The following OPCML variants were observed in gnomAD, a reference collection of about 807,000 sequenced individuals.
OPCML encodes the protein opioid binding protein/cell adhesion molecule like.
In OPCML, 13 loss-of-function variants were observed where a neutral mutation model predicts 37.8. The observed-to-expected ratio is 0.34, with a 90% CI of 0.22 to 0.55. The LOEUF (loss-of-function observed/expected upper bound fraction) is 0.55, where lower values mean the gene tolerates loss of function less well. Among genes scored for constraint, OPCML ranks in the 20% least tolerant of loss-of-function variants. OPCML has a pLI of 0.91. For synonymous variants in OPCML, 176 were observed against 168.8 expected (o/e 1.04, Z -0.33); for missense variants, 341 against 435.6 (o/e 0.78, Z 1.93).
At chr11:133,255,407 T>A (rs553289724) in intron 1 of OPCML, among the ~76,000 whole-genome samples, 64 of 152,302 alleles carry the variant, frequency 4.2e-4, no homozygotes, top group Non-Finnish European at 6.8e-4. Flanking sequence ...GTTTTCCTTC[T>A]TTCCCCACTT....
rs563428676 is a variant in OPCML at position 132,768,843 on chromosome 11, G to A, written c.147-111524C>T. 7.2e-5 allele frequency among the ~76,000 whole-genome samples: 11 copies of A among 152,282 alleles called. No homozygotes were observed. In the East Asian group the frequency reaches 1.9e-3, roughly 27 times the overall value. On this transcript the variant is annotated intron_variant, in intron 2 of 7. Coordinates refer to ENST00000524381, the MANE Select transcript of OPCML (RefSeq NM_001012393.5). The stretch of plus-strand genomic sequence containing the variant: ...ATCTTACATTGCTGCCCCTCGCCAA[G>A]CCCACAGGTAGGTGAAAGCAGTGGG...
chr11:133,468,722 G>A (rs977618228), intron 1 of OPCML, among the ~76,000 whole-genome samples: 1 of 152,132 alleles, frequency 6.6e-6, no homozygotes, highest in Non-Finnish European at 1.5e-5. Flanking sequence ...TTTTTGACAA[G>A]CGTTCAAGAG....
At chr11:133,250,146 C>T (rs548247800) in intron 1 of OPCML, among the ~76,000 whole-genome samples, 19 of 152,172 alleles carry the variant, frequency 1.2e-4, no homozygotes, top group Admixed American at 9.8e-4. Context: ...AACTTCAAGC[C>T]CCCCTTGGGG....
chr11:132,538,039 A>G (rs79772121), intron 3 of OPCML, among the ~76,000 whole-genome samples: 2,345 of 152,300 alleles, frequency 0.015, 54 homozygotes, highest in African/African-American at 0.048. Context: ...TATCCTATGG[A>G]TCAGCAATTC....
At chr11:132,690,992 C>T (rs924175334) in intron 2 of OPCML, among the ~76,000 whole-genome samples, 5 of 152,216 alleles carry the variant, frequency 3.3e-5, no homozygotes, top group African/African-American at 1.2e-4. Context: ...CATCAGACCA[C>T]TAATAAGACC....
At chr11:133,140,577 A>AAG (rs748209202) in intron 1 of OPCML, among the ~76,000 whole-genome samples, 206 of 85,010 alleles carry the variant, frequency 2.4e-3, no homozygotes, top group Middle Eastern at 7.7e-3. Context: ...GAAGAAGAAG[A>AAG]AAGAAGAAAA....
intron 3 of OPCML, among the ~76,000 whole-genome samples, chr11:132,653,153 G>A (rs998600907): frequency 2.6e-5 from 4 of 152,032 alleles, no homozygotes; most frequent in African/African-American, 9.7e-5. Flanking sequence ...TAAGCCCAAA[G>A]CTGTTCTTTC....
chr11:133,246,723 A>G (rs1940939269), intron 1 of OPCML, among the ~76,000 whole-genome samples: 2 of 152,234 alleles, frequency 1.3e-5, no homozygotes, highest in South Asian at 4.1e-4. Context: ...TGAGTAAGGA[A>G]CTATAAAATT....
intron 2 of OPCML, among the ~76,000 whole-genome samples, chr11:132,799,948 T>C (rs1380181233): frequency 2.0e-5 from 3 of 152,224 alleles, no homozygotes; most frequent in Non-Finnish European, 4.4e-5. Flanking sequence ...TATCAGCTTG[T>C]CAAATTCAGA....
intron 1 of OPCML, among the ~76,000 whole-genome samples, chr11:133,027,489 G>A (rs775316869): frequency 0.035 from 5,204 of 148,218 alleles, 102 homozygotes; most frequent in Middle Eastern, 0.081. Context: ...GTGTGTGTGT[G>A]TTGTGTGTGT....
At chr11:133,002,948 T>C (rs1485742388) in intron 1 of OPCML, among the ~76,000 whole-genome samples, 2 of 152,168 alleles carry the variant, frequency 1.3e-5, no homozygotes, top group Non-Finnish European at 2.9e-5. Flanking sequence ...AGTTCTCTTT[T>C]TCATATCAGT....
chr11:132,714,494 C>G (rs1944392733), intron 2 of OPCML, among the ~76,000 whole-genome samples: 1 of 152,196 alleles, frequency 6.6e-6, no homozygotes, highest in South Asian at 2.1e-4. Context: ...AGTGAGGAAC[C>G]TGCAAGAAGC....
chr11:133,510,442 T>C (rs1007933536), intron 1 of OPCML, among the ~76,000 whole-genome samples: 2 of 152,202 alleles, frequency 1.3e-5, no homozygotes, highest in Non-Finnish European at 2.9e-5. Flanking sequence ...ATTCAAGCTG[T>C]TTGTCTTAAA....
At chr11:133,245,434 C>T (rs1940886022) in intron 1 of OPCML, among the ~76,000 whole-genome samples, 1 of 152,146 alleles carries the variant, frequency 6.6e-6, no homozygotes, top group East Asian at 1.9e-4. Flanking sequence ...AGGTCAAAGC[C>T]TTCTGAATGG....
intron 1 of OPCML, among the ~76,000 whole-genome samples, chr11:132,973,936 A>C (rs1946401102): frequency 6.6e-6 from 1 of 152,040 alleles, no homozygotes; most frequent in Non-Finnish European, 1.5e-5. Flanking sequence ...CCTACCCCTT[A>C]CCAAGCATAG....
At chr11:132,832,220 CT>C (rs1246873320) in intron 2 of OPCML, among the ~76,000 whole-genome samples, 1,395 of 124,926 alleles carry the variant, frequency 0.011, 5 homozygotes, top group African/African-American at 0.02. Flanking sequence ...TTCCCAACCT[CT>C]TTTTTTTTTT....
At chr11:132,893,056 C>A (rs1402622997) in intron 2 of OPCML, among the ~76,000 whole-genome samples, 1 of 152,180 alleles carries the variant, frequency 6.6e-6, no homozygotes, top group Admixed American at 6.5e-5. Flanking sequence ...TGCCATCAAC[C>A]TTCTACCCCC....
At chr11:132,615,114 T>C (rs1376128927) in intron 3 of OPCML, among the ~76,000 whole-genome samples, 36 of 152,202 alleles carry the variant, frequency 2.4e-4, no homozygotes, top group Non-Finnish European at 1.5e-5. Flanking sequence ...TATTTATTAA[T>C]TTTTTCAAAG....
Position 133,115,555 on chromosome 11 carries a change from A to C in OPCML, c.62-172545T>G, listed in dbSNP as rs544460554. The stretch of plus-strand genomic sequence containing the variant: ...AGGCAGAGCTATATAACACTCAAAA[A>C]AGACAGAAAAAAAACCCTAATTCTT... On this transcript the variant is annotated intron_variant, in intron 1 of 7. Coordinates refer to ENST00000524381, the MANE Select transcript of OPCML (RefSeq NM_001012393.5). Among the ~76,000 whole-genome samples, 6 of 152,078 alleles carry C rather than the reference A, an allele frequency of 3.9e-5. No individual in the cohort carries two copies. In the South Asian group the frequency reaches 1.2e-3, roughly 32 times the overall value.
Sources: gnomAD v4.1 joint callset for allele counts (sites outside exome capture counted in the v4.1 genomes callset) on GRCh38, gnomAD v4.1.1 for gene constraint, MANE v1.5 for transcripts, NCBI Gene and HGNC (gene_info 2026-07-23, HGNC 2026-07-21) for gene names.